Variants in GRM7 observed in about 807,000 individuals in gnomAD.
The protein encoded by GRM7 is metabotropic glutamate receptor 7.
GRM7 carries 35 observed loss-of-function variants against 84.5 expected under a neutral mutation model. The ratio of observed to expected loss-of-function variants is 0.41; its 90% CI spans 0.32 to 0.55. GRM7 has a LOEUF of 0.55. Ranked by LOEUF, GRM7 falls within the 20% of genes least tolerant of loss-of-function variation. GRM7 has a pLI of 0.19. For missense variants in GRM7, 1,003 were observed against 1,194.6 expected, an observed-to-expected ratio of 0.84 and a Z score of 2.36; for synonymous variants, 487 against 455.1, an observed-to-expected ratio of 1.07 and a Z score of -0.89.
intron 5 of GRM7, among the ~76,000 whole-genome samples, chr3:7,436,666 A>G (rs186317062): frequency 2.8e-4 from 42 of 152,286 alleles, no homozygotes; most frequent in African/African-American, 9.9e-4. Flanking sequence ...GTTACCTACA[A>G]TCAAACTGCA....
chr3:7,458,524 A>G (rs1698112464), intron 6 of GRM7, among the ~76,000 whole-genome samples: 1 of 152,216 alleles, frequency 6.6e-6, no homozygotes, highest in Non-Finnish European at 1.5e-5. Flanking sequence ...ACAATGTGCT[A>G]TTACAAGTCA....
intron 4 of GRM7, among the ~76,000 whole-genome samples, chr3:7,399,176 G>T (rs1695341182): frequency 1.2e-5 from 1 of 86,342 alleles, no homozygotes; most frequent in Non-Finnish European, 2.4e-5. Flanking sequence ...AAAACAACAA[G>T]AACAATAATA....
intron 1 of GRM7, among the ~76,000 whole-genome samples, chr3:7,102,194 A>G (rs1218502348): frequency 6.6e-6 from 1 of 151,774 alleles, no homozygotes; most frequent in Non-Finnish European, 1.5e-5. Flanking sequence ...CATTTCTTGC[A>G]TGCAGTTCTG....
chr3:7,682,759 G>A (rs1700427983), intron 9 of GRM7, among the ~76,000 whole-genome samples: 1 of 152,148 alleles, frequency 6.6e-6, no homozygotes, highest in African/African-American at 2.4e-5. Flanking sequence ...TCCTTGTTGA[G>A]GCTTTTTTGG....
chr3:7,179,397 A>G (rs193135910), intron 2 of GRM7, among the ~76,000 whole-genome samples: 68 of 152,362 alleles, frequency 4.5e-4, no homozygotes, highest in African/African-American at 1.5e-3. Context: ...AAGGAGAACA[A>G]CAGCCGGGAT....
intron 8 of GRM7, among the ~76,000 whole-genome samples, chr3:7,598,677 A>C (rs1375171082): frequency 6.6e-6 from 1 of 152,198 alleles, no homozygotes; most frequent in Non-Finnish European, 1.5e-5. Flanking sequence ...ATCTTTGCTT[A>C]AGCTTTTGAA....
chr3:7,101,352 T>G (rs912667234), intron 1 of GRM7, among the ~76,000 whole-genome samples: 5 of 151,748 alleles, frequency 3.3e-5, no homozygotes, highest in African/African-American at 1.2e-4. Context: ...CACATTTTGG[T>G]TATAACTTGC....
chr3:6,867,905 A>G (rs1431726459), intron 1 of GRM7, among the ~76,000 whole-genome samples: 1 of 152,188 alleles, frequency 6.6e-6, no homozygotes, highest in Non-Finnish European at 1.5e-5. Context: ...CCTGCTTTCA[A>G]CTATATTTAC....
At chr3:7,638,726 T>C (rs567155427) in intron 8 of GRM7, among the ~76,000 whole-genome samples, 1 of 152,214 alleles carries the variant, frequency 6.6e-6, no homozygotes, top group Non-Finnish European at 1.5e-5. Flanking sequence ...CTGAAGCATT[T>C]GAAAGATGGT....
chr3:7,079,304 A>C (rs1390918608), intron 1 of GRM7, among the ~76,000 whole-genome samples: 2 of 152,130 alleles, frequency 1.3e-5, no homozygotes, highest in Non-Finnish European at 1.5e-5. Context: ...CTATTTTGTC[A>C]GCTCTTAAAT....
chr3:7,309,958 C>T (rs1249935990), intron 4 of GRM7, among the ~76,000 whole-genome samples: 1 of 152,136 alleles, frequency 6.6e-6, no homozygotes, highest in Non-Finnish European at 1.5e-5. Context: ...TCTGATGAGC[C>T]AAGGAATCCC....
rs541778465 is a variant in GRM7, at chr3:7,200,596, G to A, written c.736+53928G>A. ...AGTTGTCAAGCTTTAGCATGCATCA[G>A]TATCACGTGAAAGGAACAGACTGCT... On this transcript the variant is annotated intron_variant, in intron 2 of 9. Coordinates refer to ENST00000357716, the MANE Select transcript of GRM7 (RefSeq NM_000844.4). 2.6e-5 allele frequency among the ~76,000 whole-genome samples: 4 copies of A among 152,240 alleles called. No individual in the cohort carries two copies. The South Asian group carries it at 6.2e-4, about 24-fold the overall frequency.
intron 4 of GRM7, among the ~76,000 whole-genome samples, chr3:7,324,722 C>A (rs575496024): frequency 1.3e-5 from 2 of 152,148 alleles, no homozygotes; most frequent in Admixed American, 6.5e-5. Context: ...TCATTTAAAG[C>A]CGTTGCTTTT....
intron 7 of GRM7, among the ~76,000 whole-genome samples, chr3:7,553,347 T>G (rs1693585070): frequency 6.6e-6 from 1 of 152,204 alleles, no homozygotes; most frequent in African/African-American, 2.4e-5. Context: ...TTCCCACATT[T>G]TCCTATCTTC....
At chr3:7,515,952 G>A (rs1700359918) in intron 7 of GRM7, among the ~76,000 whole-genome samples, 1 of 151,768 alleles carries the variant, frequency 6.6e-6, no homozygotes. Flanking sequence ...AGACGAGCCT[G>A]GGAAACATAG....
intron 4 of GRM7, among the ~76,000 whole-genome samples, chr3:7,310,385 C>A (rs1187301578): frequency 6.6e-6 from 1 of 152,072 alleles, no homozygotes; most frequent in African/African-American, 2.4e-5. Flanking sequence ...GTAATTTTTA[C>A]TTATGATTTG....
At chr3:6,887,303 A>G (rs923246547) in intron 1 of GRM7, among the ~76,000 whole-genome samples, 9 of 151,954 alleles carry the variant, frequency 5.9e-5, no homozygotes, top group Admixed American at 3.9e-4. Context: ...ATATGTATAC[A>G]TGTGCCATGC....
At position 7,522,258 on chromosome 3, in the gene GRM7, T is replaced by C. The variant is rs148497231; in HGVS notation, c.1516-56164T>C. Among the ~76,000 whole-genome samples the C allele has an allele frequency of 4.5e-3, 691 of 152,278 alleles. 1 individual carries two copies. The highest frequency in any genetic ancestry group is 7.5e-3 in the Admixed American group (115 of 15,290). ...CTTGTGTCATTCTATAACATCTTTTTTCTAAGTACAAACGCAATCAACTCG... is the reference window on the plus strand; with the variant it reads ...CTTGTGTCATTCTATAACATCTTTTCTCTAAGTACAAACGCAATCAACTCG... On this transcript the variant is annotated intron_variant, in intron 7 of 9. Coordinates refer to ENST00000357716, the MANE Select transcript of GRM7 (RefSeq NM_000844.4).
At chr3:7,071,307 A>C (rs1473601475) in intron 1 of GRM7, among the ~76,000 whole-genome samples, 2 of 152,134 alleles carry the variant, frequency 1.3e-5, no homozygotes, top group African/African-American at 4.8e-5. Flanking sequence ...TCACTCTTAG[A>C]ATAACTTTTG....
Sources: allele counts gnomAD v4.1 joint callset (sites outside exome capture counted in the v4.1 genomes callset), GRCh38; gene constraint gnomAD v4.1.1; transcripts MANE v1.5; gene names NCBI Gene and HGNC (gene_info 2026-07-23, HGNC 2026-07-21).